Variants in CRAMP1 observed in about 807,000 individuals in gnomAD.
CRAMP1 encodes cramped chromatin regulator 1.
Under a neutral mutation model 115.4 loss-of-function variants are expected in CRAMP1, and 50 were observed. The ratio of observed to expected loss-of-function variants is 0.43; its 90% CI spans 0.35 to 0.55. The LOEUF is 0.55. CRAMP1 is among the 20% of genes least tolerant of loss of function. The probability of loss-of-function intolerance (pLI) is 0.01; values close to 1 mark genes in which losing one functional copy is unlikely to be tolerated. For missense variants in CRAMP1, 1,679 were observed against 1,721.7 expected, an observed-to-expected ratio of 0.98 and a Z score of 0.44; for synonymous variants, 866 against 745.4, an observed-to-expected ratio of 1.16 and a Z score of -2.64.
chr16:1,653,215 C>CA, intron 8 of CRAMP1, 59 bp downstream of exon 8: 1 of 1,563,594 alleles, frequency 6.4e-7, no homozygotes, highest in Non-Finnish European at 8.7e-7. Flanking sequence ...CTGGAAGCAA[C>CA]GTGTGTGAGT....
intron 13 of CRAMP1, among the ~76,000 whole-genome samples, chr16:1,663,478 G>C (rs76021136): frequency 0.022 from 3,365 of 152,328 alleles, 233 homozygotes; most frequent in Admixed American, 0.13. Context: ...GAAAGTGCCT[G>C]CTAAATCTTA....
At position 1,665,049 on chromosome 16, in the gene CRAMP1, C is replaced by T. The variant is rs770875880; in HGVS notation, c.2671-8C>T. The T allele has an allele frequency of 1.3e-6, 2 of 1,595,018 alleles. No homozygotes were observed. Among genetic ancestry groups the T allele is most frequent in the Non-Finnish European group, 8.6e-7 (1 of 1,162,642 alleles). On this transcript the variant is annotated splice_polypyrimidine_tract_variant and splice_region_variant and intron_variant, in intron 13 of 20. Coordinates refer to ENST00000397412, the MANE Select transcript of CRAMP1 (RefSeq NM_020825.4). Reference sequence around the variant, plus strand: ...CATCACCTTGATTGTTGACCATTTTCCCCACAGAGAACACTGCTCCCTAGA... The same window carrying T: ...CATCACCTTGATTGTTGACCATTTTTCCCACAGAGAACACTGCTCCCTAGA...
chr16:1,652,639 G>A, intron 7 of CRAMP1, 58 bp downstream of exon 7: 1 of 1,439,248 alleles, frequency 6.9e-7, no homozygotes, highest in Non-Finnish European at 9.6e-7. Context: ...CCCATTCAAT[G>A]ATGGGCAGGC....
At chr16:1,621,175 T>A (rs927791773) in intron 2 of CRAMP1, among the ~76,000 whole-genome samples, 2 of 152,142 alleles carry the variant, frequency 1.3e-5, no homozygotes, top group African/African-American at 4.8e-5. Flanking sequence ...CTTTTTCTTC[T>A]TAAGGTGATA....
chr16:1,670,836 C>T (rs373341864), intron 20 of CRAMP1, 27 bp downstream of exon 20: 15 of 1,610,278 alleles, frequency 9.3e-6, no homozygotes, highest in Non-Finnish European at 1.3e-5. Flanking sequence ...CACAGCTGCA[C>T]CTGACCACCA....
In CRAMP1 at chr16:1,623,906, T is replaced by C. The variant is rs1440290625; in HGVS notation, c.347-2067T>C. Reference sequence around the variant, plus strand: ...AGCCTGGTTGGTAGCACAGAGCATATGCATACCTGAGTTTTGTTTCTGTTG... The same window carrying C: ...AGCCTGGTTGGTAGCACAGAGCATACGCATACCTGAGTTTTGTTTCTGTTG... On this transcript the variant is annotated intron_variant, in intron 2 of 20. Transcript: ENST00000397412. Among the ~76,000 whole-genome samples, 7 of 152,340 alleles carry C rather than the reference T, an allele frequency of 4.6e-5. No homozygotes were observed. The East Asian group carries it at 1.3e-3, about 29-fold the overall frequency.
chr16:1,662,323 G>GA (rs1429019393), intron 11 of CRAMP1, 167 bp from the exon 12 acceptor site: 4 of 610,482 alleles, frequency 6.6e-6, no homozygotes, highest in Admixed American at 5.9e-5. Context: ...GAGAAGGATA[G>GA]AAAATCAGTC....
In CRAMP1 at chr16:1,653,110, C is replaced by G; in HGVS notation, c.991C>G (p.His331Asp). Residue 331 changes from histidine to aspartate, a missense_variant, in exon 8 of 21, where the codon CAC becomes GAC. Around this residue, in one of 8 missense-constraint regions of CRAMP1, gnomAD observed 191 missense variants for 236.2 expected, o/e 0.81. Coordinates refer to ENST00000397412, the MANE Select transcript of CRAMP1 (RefSeq NM_020825.4). ...TATAGAGCTACAGCCGCGGAACAAC[C>G]ACGCCTGGGCCCGTGTGCAGAGCCT... ...VPIELQPRNN[H>D]AWARVQSLAQ... 1 of 1,611,930 alleles carries G rather than the reference C, an allele frequency of 6.2e-7. No individual in the cohort carries two copies. The highest frequency in any genetic ancestry group is 8.5e-7 in the Non-Finnish European group (1 of 1,179,060).
In CRAMP1 at chr16:1,641,303, C is replaced by T. The variant is rs2036629989; in HGVS notation, c.827+116C>T. 5.2e-6 allele frequency: 4 copies of T among 768,208 alleles called. No homozygotes were observed. In the Admixed American group the frequency reaches 6.3e-5, roughly 12 times the overall value. 47.6% of individuals were successfully genotyped at this position (768,208 alleles called of 1,614,324 possible). A position where few individuals can be genotyped will look rare whatever the true frequency, so the allele number is the denominator to read the frequency against. On this transcript the variant is annotated intron_variant, in intron 6 of 20. Coordinates refer to ENST00000397412, the MANE Select transcript of CRAMP1 (RefSeq NM_020825.4). ...ACCTTCCGAGTTAAAACTTCATAAC[C>T]TCTCAGTTACGTGTTCAGTCCCAAC...
chr16:1,632,549 G>A (rs1453989985), intron 4 of CRAMP1, among the ~76,000 whole-genome samples, 184 bp downstream of exon 4: 1 of 152,250 alleles, frequency 6.6e-6, no homozygotes, highest in Non-Finnish European at 1.5e-5. Flanking sequence ...GTCAAACCAA[G>A]TTGCCAGGAA....
In CRAMP1 at chr16:1,666,331, G is replaced by A. The variant is rs1406957168; in HGVS notation, c.2858-91G>A. On this transcript the variant is annotated intron_variant, in intron 15 of 20. Transcript: ENST00000397412. This position sits in a 1 kb window ranked among gnomAD's most constrained non-coding sequence, Gnocchi z 5.0. ...CCCTTGGCTCTTGCATTGACATGAG[G>A]TGCGAGGGAGAAGCTGTTCCCCGAG... The A allele has an allele frequency of 7.7e-6, 10 of 1,300,000 alleles. No homozygotes were observed. The East Asian group carries it at 2.3e-4, about 29-fold the overall frequency. The allele number at this position is 1,300,000 out of a possible 1,614,324, so 80.5% of individuals were successfully genotyped here. A position where few individuals can be genotyped will look rare whatever the true frequency, so the allele number is the denominator to read the frequency against.
intron 2 of CRAMP1, among the ~76,000 whole-genome samples, chr16:1,622,905 G>C (rs1323171557): frequency 6.6e-6 from 1 of 152,034 alleles, no homozygotes; most frequent in East Asian, 1.9e-4. Context: ...GGGACTACTG[G>C]TGCACGCCAC....
chr16:1,662,355 G>A (rs1188075091), intron 11 of CRAMP1, 135 bp from the exon 12 acceptor site: 2 of 680,042 alleles, frequency 2.9e-6, no homozygotes, highest in East Asian at 2.5e-5. Flanking sequence ...CTGAGATAGA[G>A]GTGTCTCCTT....
rs1189960717 is a variant in CRAMP1 at position 1,656,731 on chromosome 16, C to T, written c.1974C>T (p.Ala658=). 6 of 1,551,422 alleles carry T rather than the reference C, an allele frequency of 3.9e-6. No individual in the cohort carries two copies. Among genetic ancestry groups the T allele is most frequent in the Admixed American group, 2.0e-5 (1 of 51,108 alleles). Residue 658 remains alanine (A), a synonymous_variant, in exon 10 of 21, where the codon GCC becomes GCT. Transcript: ENST00000397412. The surrounding 1 kb of genome is among the most constrained non-coding windows in gnomAD (Gnocchi z 5.6). ...GPPPSQGQPA[A]RPPKEVPASR... is the part of the protein sequence containing the mutation. ...CGCCGTCTCAGGGACAGCCTGCCGCCAGGCCCCCGAAGGAGGTCCCCGCCA... is the reference window on the plus strand; with the variant it reads ...CGCCGTCTCAGGGACAGCCTGCCGCTAGGCCCCCGAAGGAGGTCCCCGCCA...
intron 2 of CRAMP1, among the ~76,000 whole-genome samples, chr16:1,620,972 T>C (rs2036461234): frequency 6.6e-6 from 1 of 152,092 alleles, no homozygotes; most frequent in Non-Finnish European, 1.5e-5. Context: ...TCTGAAAGTT[T>C]CCCCATTTCT....
Position 1,674,146 on chromosome 16 carries a change from C to A in CRAMP1, c.*101C>A. The A allele has an allele frequency of 8.5e-7, 1 of 1,172,142 alleles. No individual in the cohort carries two copies. The highest frequency in any genetic ancestry group is 1.2e-6 in the Non-Finnish European group (1 of 842,128). 72.6% of individuals were successfully genotyped at this position (1,172,142 alleles called of 1,614,324 possible). On this transcript the variant is annotated 3_prime_UTR_variant, in exon 21 of 21. Transcript: ENST00000397412. ...GTCTGAACAGAGGCATCTCCGCACC[C>A]AAGACTGTGCAACGGGCAGGAACGT...
Position 1,655,296 on chromosome 16 carries a change from G to A in CRAMP1, c.1115G>A (p.Arg372Gln), listed in dbSNP as rs376268761. 2.3e-5 allele frequency: 37 copies of A among 1,613,688 alleles called. No individual in the cohort carries two copies. The highest frequency in any genetic ancestry group is 1.7e-4 in the Middle Eastern group (1 of 6,060). Residue 372 changes from arginine to glutamine, a missense_variant, in exon 9 of 21, where the codon CGA becomes CAA. Arg to Gln is a conservative substitution (Grantham distance 43). This residue lies in a region of CRAMP1 where 191 missense variants were observed against 236.2 expected (regional missense o/e 0.81). Transcript: ENST00000397412. ...CAGAAGTGGGCGCTCCATGAGGTGCGAGTTGTATCCTTTTCCAGCTAAAGC... is the reference window on the plus strand; with the variant it reads ...CAGAAGTGGGCGCTCCATGAGGTGCAAGTTGTATCCTTTTCCAGCTAAAGC... Reference protein sequence around the residue: ...LKQKWALHEVRVRKTLEERQL... With the variant: ...LKQKWALHEVQVRKTLEERQL...
intron 2 of CRAMP1, among the ~76,000 whole-genome samples, chr16:1,624,134 G>T (rs1567447629): frequency 6.8e-6 from 1 of 146,440 alleles, no homozygotes; most frequent in African/African-American, 2.5e-5. Context: ...GAGAGGCTGA[G>T]TTTTTTTTTT....
At chr16:1,664,974 A>T (rs1376704872) in intron 13 of CRAMP1, 83 bp from the exon 14 acceptor site, 2 of 956,256 alleles carry the variant, frequency 2.1e-6, no homozygotes, top group South Asian at 1.3e-5. Context: ...GCACCCTCTT[A>T]CTTGGGACAT....
Sources: gnomAD v4.1 joint callset for allele counts (sites outside exome capture counted in the v4.1 genomes callset) on GRCh38, gnomAD v4.1.1 for gene constraint, gnomAD v4.1.1 regional missense constraint, Gnocchi (gnomAD v3.1) non-coding constraint, MANE v1.5 for transcripts, NCBI Gene and HGNC (gene_info 2026-07-23, HGNC 2026-07-21) for gene names.